ZFX: variants seen among roughly 807,000 people sequenced by gnomAD.
ZFX encodes the protein zinc finger X-chromosomal protein.
For synonymous variants in ZFX, 196 were observed against 226.8 expected (o/e 0.86, Z 1.22); for missense variants, 362 against 628.3 (o/e 0.58, Z 4.53).
At position 24,179,436 on chromosome X, in the gene ZFX, A is replaced by G; in HGVS notation, c.312A>G (p.Glu104=). 1 of 1,212,452 alleles carries G rather than the reference A, an allele frequency of 8.2e-7. No individual in the cohort carries two copies. Among genetic ancestry groups the G allele is most frequent in the African/African-American group, 1.7e-5 (1 of 57,963 alleles). Residue 104 remains glutamate (E), a synonymous_variant, in exon 5 of 10, where the codon GAA becomes GAG. Transcript: ENST00000304543. ...AAGTGCTGGACTCAGATGTAACTGAAGAAGTTTCTTTAGCACATTGCACAG... is the reference window on the plus strand; with the variant it reads ...AAGTGCTGGACTCAGATGTAACTGAGGAAGTTTCTTTAGCACATTGCACAG... ...PEQVLDSDVT[E]EVSLAHCTVP... is the part of the protein sequence containing the mutation.
At position 24,179,605 on chromosome X, in the gene ZFX, G is replaced by A; in HGVS notation, c.481G>A (p.Val161Ile). ...GHVEHVVHDS[V>I]VEAEIVTDPL... is the part of the protein sequence containing the mutation. ...TGTTGAACATGTGGTTCATGATAGT[G>A]TAGTGGAAGCAGAAATTGTCACTGA... The change falls in exon 5 of 10, where the codon GTA becomes ATA. Residue 161 changes from valine (V) to isoleucine (I), a missense_variant. Val to Ile is a conservative substitution (Grantham distance 29, BLOSUM62 3). Transcript: ENST00000304543. 8.3e-7 allele frequency: 1 copy of A among 1,212,095 alleles called. No individual in the cohort carries two copies. The highest frequency in any genetic ancestry group is 2.2e-5 in the Admixed American group (1 of 46,059).
intron 3 of ZFX, among the ~76,000 whole-genome samples, chrX:24,156,557 A>G (rs1601790904): frequency 9.0e-6 from 1 of 110,891 alleles, no homozygotes; most frequent in African/African-American, 3.3e-5. Context: ...CTCCTGAGAT[A>G]TATCATATTC....
chrX:24,164,832 T>C (rs2238932), intron 3 of ZFX, among the ~76,000 whole-genome samples: 1 of 107,408 alleles, frequency 9.3e-6, no homozygotes, highest in Non-Finnish European at 1.9e-5. Flanking sequence ...CAGCTACTTT[T>C]GGGAGGCTGA....
intron 4 of ZFX, chrX:24,173,016 A>C (rs1209451825): frequency 3.3e-6 from 1 of 304,733 alleles, no homozygotes; most frequent in African/African-American, 2.7e-5. Context: ...CAGCAGCAAT[A>C]TCAAACCTTA....
At chrX:24,177,866 G>C (rs1935286926) in intron 4 of ZFX, 1 of 747,609 alleles carries the variant, frequency 1.3e-6, no homozygotes, top group Non-Finnish European at 1.6e-6. Context: ...GGAGCAAAAA[G>C]GTAAAACACA....
intron 7 of ZFX, 32 bp downstream of exon 7, chrX:24,207,887 T>G: frequency 1.7e-6 from 2 of 1,202,009 alleles, no homozygotes; most frequent in Non-Finnish European, 2.2e-6. Flanking sequence ...GGGAGAAAAT[T>G]TTATGTTTCT....
intron 5 of ZFX, among the ~76,000 whole-genome samples, chrX:24,186,160 T>C (rs1261898787): frequency 9.0e-6 from 1 of 111,377 alleles, no homozygotes; most frequent in Non-Finnish European, 1.9e-5. Context: ...AAACACTCTA[T>C]CTTTAGGTCA....
chrX:24,200,759 C>T (rs1001386501), intron 5 of ZFX, among the ~76,000 whole-genome samples: 1 of 111,718 alleles, frequency 9.0e-6, no homozygotes, highest in Non-Finnish European at 1.9e-5. Flanking sequence ...ACAGGCACCT[C>T]ACTTTCTCTT....
At chrX:24,163,598 G>A (rs1382513469) in intron 3 of ZFX, among the ~76,000 whole-genome samples, 4 of 105,697 alleles carry the variant, frequency 3.8e-5, no homozygotes, top group African/African-American at 1.4e-4. Flanking sequence ...GGCTGGTCTC[G>A]AACTCCTGAC....
intron 3 of ZFX, among the ~76,000 whole-genome samples, chrX:24,172,319 G>T (rs1934702263): frequency 8.9e-6 from 1 of 112,172 alleles, no homozygotes; most frequent in Non-Finnish European, 1.9e-5. Flanking sequence ...GGTTACCCTT[G>T]TGGGAACATG....
intron 3 of ZFX, among the ~76,000 whole-genome samples, chrX:24,159,771 C>T (rs1569124105): frequency 3.6e-5 from 4 of 111,681 alleles, no homozygotes; most frequent in Admixed American, 2.8e-4. Context: ...CATGAGCCAC[C>T]GTGTCCGAGC....
chrX:24,173,061 G>A, intron 4 of ZFX: 1 of 275,672 alleles, frequency 3.6e-6, no homozygotes, highest in Non-Finnish European at 6.4e-6. Context: ...ATATCTTGAC[G>A]AGTTATGTCC....
chrX:24,193,795 T>C (rs1171003884), intron 5 of ZFX, among the ~76,000 whole-genome samples: 1 of 112,178 alleles, frequency 8.9e-6, no homozygotes, highest in Non-Finnish European at 1.9e-5. Flanking sequence ...TTTAAAATTA[T>C]TGTTTTTTAA....
chrX:24,163,258 CTTTTT>C (rs57785204), intron 3 of ZFX, among the ~76,000 whole-genome samples: 2 of 48,158 alleles, frequency 4.2e-5, no homozygotes, highest in East Asian at 6.6e-4. Flanking sequence ...CATGGATGTG[CTTTTT>C]TTTTTTTTTT....
At chrX:24,190,710 G>T (rs938627825) in intron 5 of ZFX, among the ~76,000 whole-genome samples, 3 of 111,822 alleles carry the variant, frequency 2.7e-5, no homozygotes, top group Non-Finnish European at 5.6e-5. Flanking sequence ...GAGAGAGGGA[G>T]AGAGAGAACA....
intron 2 of ZFX, among the ~76,000 whole-genome samples, chrX:24,152,105 T>G (rs1932234221): frequency 9.0e-6 from 1 of 110,629 alleles, no homozygotes; most frequent in Non-Finnish European, 1.9e-5. Context: ...GTGGGTTATT[T>G]GACGAAAATG....
chrX:24,156,253 CTT>C (rs1932777890), intron 3 of ZFX, among the ~76,000 whole-genome samples: 1 of 111,932 alleles, frequency 8.9e-6, no homozygotes, highest in Non-Finnish European at 1.9e-5. Flanking sequence ...CTGAAAATAT[CTT>C]TTCCTGGTCT....
In ZFX at chrX:24,215,639, G is replaced by A. The variant is rs879095744; in HGVS notation, c.*4263G>A. 2 of 111,510 alleles carry A rather than the reference G, an allele frequency of 1.8e-5. No homozygotes were observed. Among genetic ancestry groups the A allele is most frequent in the East Asian group, 2.8e-4 (1 of 3,601 alleles). The allele number at this position is 111,510 out of a possible 1,213,427, so 9.2% of individuals were successfully genotyped here. On this transcript the variant is annotated 3_prime_UTR_variant, in exon 10 of 10. Coordinates refer to ENST00000304543, the MANE Select transcript of ZFX (RefSeq NM_003410.4). ...ACAAAAAATCAGAAATGAACAGTGAGAGAAAAATAGGACCCCAGACAGTTT... is the reference window on the plus strand; with the variant it reads ...ACAAAAAATCAGAAATGAACAGTGAAAGAAAAATAGGACCCCAGACAGTTT...
intron 5 of ZFX, among the ~76,000 whole-genome samples, chrX:24,189,080 G>A (rs948838641): frequency 8.9e-6 from 1 of 111,907 alleles, no homozygotes; most frequent in African/African-American, 3.2e-5. Context: ...CTCGTGATCC[G>A]CCTGCCTCGG....
Sources: gnomAD v4.1 joint callset for allele counts (sites outside exome capture counted in the v4.1 genomes callset) on GRCh38, gnomAD v4.1.1 for gene constraint, MANE v1.5 for transcripts, NCBI Gene and HGNC (gene_info 2026-07-23, HGNC 2026-07-21) for gene names.